UBR4: variants seen among roughly 807,000 people sequenced by gnomAD.
UBR4 encodes ubiquitin protein ligase E3 component n-recognin 4.
A neutral mutation model predicts 575.6 loss-of-function variants in UBR4; 124 were observed. That is an observed-to-expected ratio of 0.22 (90% CI 0.19 to 0.25). The LOEUF (loss-of-function observed/expected upper bound fraction) is 0.25. Among genes scored for constraint, UBR4 ranks in the 10% least tolerant of loss-of-function variants. The probability of loss-of-function intolerance (pLI) is 1.00; values close to 1 mark genes in which losing one functional copy is unlikely to be tolerated. For missense variants in UBR4, 4,818 were observed against 6,478.8 expected (o/e 0.74, Z 8.80); for synonymous variants, 2,455 against 2,473.7 (o/e 0.99, Z 0.22).
intron 22 of UBR4, among the ~76,000 whole-genome samples, chr1:19,173,892 TA>T (rs2089922810): frequency 6.6e-6 from 1 of 152,254 alleles, no homozygotes; most frequent in Non-Finnish European, 1.5e-5. Flanking sequence ...GGCTCCCCAA[TA>T]ATTTACCAAT....
At position 19,152,277 on chromosome 1, in the gene UBR4, AC is replaced by A; in HGVS notation, c.6996+35del. 6.2e-7 allele frequency: 1 copy of A among 1,611,440 alleles called. No homozygotes were observed. The highest frequency in any genetic ancestry group is 8.5e-7 in the Non-Finnish European group (1 of 1,177,964). ...CAAACCATATTGTTTGAGTCCTTCT[AC>A]CCAGGGATTGATCCCAGCCCAGTGC... On this transcript the variant is annotated intron_variant, in intron 47 of 105. Transcript: ENST00000375254. The surrounding 1 kb of genome is among the most constrained non-coding windows in gnomAD (Gnocchi z 4.4).
chr1:19,084,722 T>A (rs751602143), intron 101 of UBR4, 24 bp from the exon 102 acceptor site: 12 of 1,576,342 alleles, frequency 7.6e-6, no homozygotes, highest in Non-Finnish European at 1.0e-5. Flanking sequence ...GAACAAACAA[T>A]GAAATGGAAG....
In UBR4 at chr1:19,126,538, C is replaced by G; in HGVS notation, c.9346G>C (p.Glu3116Gln). ...LEYWKSQQND[E>Q]EPVATSQLLK... ...AACTGGCTGGTAGCCACAGGCTCCTCGTCATTCTGTTGGCTCTTCCAATAT... is the reference window on the plus strand; with the variant it reads ...AACTGGCTGGTAGCCACAGGCTCCTGGTCATTCTGTTGGCTCTTCCAATAT... The change falls in exon 64 of 106, where the codon GAG becomes CAG. Residue 3116 changes from glutamate (E) to glutamine (Q), a missense_variant. Physicochemically the swap from Glu to Gln is conservative, Grantham distance 29. Around this residue, in one of 29 missense-constraint regions of UBR4, gnomAD observed 550 missense variants for 791.5 expected, o/e 0.69. Coordinates refer to ENST00000375254, the MANE Select transcript of UBR4 (RefSeq NM_020765.3). 1.2e-6 allele frequency: 2 copies of G among 1,614,172 alleles called. No homozygotes were observed. The highest frequency in any genetic ancestry group is 8.5e-7 in the Non-Finnish European group (1 of 1,180,022).
intron 67 of UBR4, 92 bp downstream of exon 67, chr1:19,121,842 T>C (rs1362547515): frequency 2.2e-6 from 3 of 1,383,124 alleles, no homozygotes; most frequent in Non-Finnish European, 3.0e-6. Context: ...CAGCTATATC[T>C]CCAGCATCCA....
intron 36 of UBR4, 36 bp from the exon 37 acceptor site, chr1:19,161,772 G>A: frequency 6.2e-7 from 1 of 1,613,826 alleles, no homozygotes; most frequent in African/African-American, 1.3e-5. Flanking sequence ...AAGCTCAGAA[G>A]TCCCAACAAT....
chr1:19,208,466 CA>C (rs71030137), intron 1 of UBR4, among the ~76,000 whole-genome samples: 61 of 76,888 alleles, frequency 7.9e-4, no homozygotes, highest in Middle Eastern at 6.9e-3. Flanking sequence ...GAATCCATCT[CA>C]AAAAAAAAAA....
Position 19,147,988 on chromosome 1 carries a change from G to A in UBR4, c.7629+5C>T. 1 of 1,611,600 alleles carries A rather than the reference G, an allele frequency of 6.2e-7. No homozygotes were observed. Among genetic ancestry groups the A allele is most frequent in the Non-Finnish European group, 8.5e-7 (1 of 1,179,128 alleles). On this transcript the variant is annotated splice_donor_5th_base_variant and intron_variant, in intron 51 of 105. Coordinates refer to ENST00000375254, the MANE Select transcript of UBR4 (RefSeq NM_020765.3). Reference sequence around the variant, plus strand: ...GCAATTTCCTTTCCCTGAGAGAACAGTTACCTTGTGGCTGTGGTAGGCCGA... The same window carrying A: ...GCAATTTCCTTTCCCTGAGAGAACAATTACCTTGTGGCTGTGGTAGGCCGA...
chr1:19,153,301 T>A lies in UBR4; in HGVS notation c.6832A>T (p.Thr2278Ser). The change falls in exon 46 of 106, where the codon ACA becomes TCA. Residue 2278 changes from threonine (T) to serine (S), a missense_variant and splice_region_variant. Coordinates refer to ENST00000375254, the MANE Select transcript of UBR4 (RefSeq NM_020765.3). The surrounding 1 kb of genome is among the most constrained non-coding windows in gnomAD (Gnocchi z 4.1). ...PVRKRKTATI[T>S]TRTSSQVTFP... Reference sequence around the variant, plus strand: ...CAAGTCATCTGAGAAGGAGCCTTACTGATTGTAGCTGTTTTGCGCTTTCGA... The same window carrying A: ...CAAGTCATCTGAGAAGGAGCCTTACAGATTGTAGCTGTTTTGCGCTTTCGA... 1 of 1,614,164 alleles carries A rather than the reference T, an allele frequency of 6.2e-7. No individual in the cohort carries two copies.
intron 99 of UBR4, 132 bp from the exon 100 acceptor site, chr1:19,086,953 C>G: frequency 7.8e-7 from 1 of 1,282,260 alleles, no homozygotes; most frequent in Non-Finnish European, 1.1e-6. Context: ...TAGGGAAGTT[C>G]AGAAGAGCAG....
In UBR4 at chr1:19,193,542, G is replaced by A. The variant is rs2092258462; in HGVS notation, c.1034C>T (p.Thr345Met). ...ACCCACATGGAGGATGGCCATGCACGTTGCCACACTCACACCTGAAAAAGA... is the reference window on the plus strand; with the variant it reads ...ACCCACATGGAGGATGGCCATGCACATTGCCACACTCACACCTGAAAAAGA... ...SCLYAGVSVA[T>M]CMAILHVGSA... The change falls in exon 9 of 106, where the codon ACG (threonine) becomes ATG (methionine). Residue 345 changes from threonine (T) to methionine (M), a missense_variant. By Grantham distance (81) the Thr-to-Met change is moderately conservative. Around this residue, in one of 29 missense-constraint regions of UBR4, gnomAD observed 131 missense variants for 214.5 expected, o/e 0.61. Coordinates refer to ENST00000375254, the MANE Select transcript of UBR4 (RefSeq NM_020765.3). 6.8e-6 allele frequency: 11 copies of A among 1,613,206 alleles called. No individual in the cohort carries two copies. Among genetic ancestry groups the A allele is most frequent in the Non-Finnish European group, 9.3e-6 (11 of 1,179,496 alleles).
chr1:19,169,612 G>A (rs2089175966), intron 26 of UBR4, 80 bp from the exon 27 acceptor site: 1 of 1,217,484 alleles, frequency 8.2e-7, no homozygotes, highest in East Asian at 2.5e-5. Flanking sequence ...AAGCCCAAAT[G>A]CAGAAAGAAA....
chr1:19,160,692 C>T (rs890661430), intron 38 of UBR4, among the ~76,000 whole-genome samples: 6 of 152,144 alleles, frequency 3.9e-5, no homozygotes, highest in African/African-American at 1.4e-4. Flanking sequence ...TACAGTATGA[C>T]ACAACTAAAA....
chr1:19,114,050 T>G lies in UBR4; in HGVS notation c.11223A>C (p.Thr3741=), dbSNP rs1026446832. ...DRKKAVSNIN[T]LLDKADRVYH... ...ACACTCGATCAGCTTTGTCCAAAAG[T>G]GTATTGATGTTGGATACAGCCTAGA... Residue 3741 remains threonine (T), a synonymous_variant, in exon 76 of 106, where the codon ACA becomes ACC. Transcript: ENST00000375254. The G allele has an allele frequency of 1.2e-6, 2 of 1,613,880 alleles. No individual in the cohort carries two copies. Among genetic ancestry groups the G allele is most frequent in the African/African-American group, 2.7e-5 (2 of 75,050 alleles).
chr1:19,110,048 G>C lies in UBR4; in HGVS notation c.12105+48C>G, dbSNP rs1289360721. The C allele has an allele frequency of 6.2e-7, 1 of 1,610,694 alleles. No homozygotes were observed. Among genetic ancestry groups the C allele is most frequent in the Non-Finnish European group, 8.5e-7 (1 of 1,178,774 alleles). On this transcript the variant is annotated intron_variant, in intron 81 of 105. Transcript: ENST00000375254. The surrounding 1 kb of genome is among the most constrained non-coding windows in gnomAD (Gnocchi z 4.5). ...AGGGCACACTGCCAGGGAATGAGGAGGGTGGCCGCCCTGCCCTTCCTTGTT... is the reference window on the plus strand; with the variant it reads ...AGGGCACACTGCCAGGGAATGAGGACGGTGGCCGCCCTGCCCTTCCTTGTT...
chr1:19,177,093 A>G (rs187944178), intron 19 of UBR4, among the ~76,000 whole-genome samples: 36 of 152,338 alleles, frequency 2.4e-4, no homozygotes, highest in African/African-American at 8.4e-4. Flanking sequence ...CCTTACAACA[A>G]AGGAATTTAC....
At position 19,185,223 on chromosome 1, in the gene UBR4, T is replaced by G; in HGVS notation, c.1814A>C (p.Lys605Thr). The G allele has an allele frequency of 3.1e-6, 5 of 1,613,002 alleles. No homozygotes were observed. Among genetic ancestry groups the G allele is most frequent in the Non-Finnish European group, 4.2e-6 (5 of 1,179,526 alleles). ...TGGGGGAGGAGGCGGAGGTGCTGCT[T>G]TCTCTTTACTGGGAGAAATAGTCTC... The part of the protein sequence containing the change: ...FEETISPSKE[K>T]AAPPPPPPPP... Residue 605 changes from lysine to threonine, a missense_variant, in exon 15 of 106, where the codon AAA becomes ACA. By Grantham distance (78) the Lys-to-Thr change is moderately conservative. Transcript: ENST00000375254.
intron 83 of UBR4, 22 bp downstream of exon 83, chr1:19,106,547 G>A: frequency 1.3e-6 from 2 of 1,525,294 alleles, no homozygotes; most frequent in Non-Finnish European, 1.8e-6. Flanking sequence ...AGGGGGTGAA[G>A]AGTCCAGAAG....
rs1362677279 is a variant in UBR4, at chr1:19,153,214, C to A, written c.6832+87G>T. The A allele has an allele frequency of 3.6e-6, 5 of 1,401,542 alleles. No individual in the cohort carries two copies. Among genetic ancestry groups the A allele is most frequent in the Non-Finnish European group, 5.0e-6 (5 of 1,002,924 alleles). The allele number at this position is 1,401,542 out of a possible 1,614,324, so 86.8% of individuals were successfully genotyped here. The stretch of plus-strand genomic sequence containing the variant: ...CAAGTAGGACAGTCACATTTCTTCA[C>A]AGATATTTTCAACAGTCTATTCTGA... On this transcript the variant is annotated intron_variant, in intron 46 of 105. Coordinates refer to ENST00000375254, the MANE Select transcript of UBR4 (RefSeq NM_020765.3). This position sits in a 1 kb window ranked among gnomAD's most constrained non-coding sequence, Gnocchi z 4.1.
chr1:19,141,734 C>A lies in UBR4; in HGVS notation c.8223G>T (p.Met2741Ile), dbSNP rs2083965117. The stretch of plus-strand genomic sequence containing the variant: ...CACCATTCGGGATCCCTGATGACTG[C>A]ATTTTCTCATCTGCATCATCATCGT... ...DDDDDDADEKMQSSGIPNGGH... is the reference protein window; with the variant it reads ...DDDDDDADEKIQSSGIPNGGH... The change falls in exon 56 of 106, where the codon ATG becomes ATT. Residue 2741 changes from methionine to isoleucine, a missense_variant. By Grantham distance (10) the Met-to-Ile change is conservative. Coordinates refer to ENST00000375254, the MANE Select transcript of UBR4 (RefSeq NM_020765.3). The A allele has an allele frequency of 6.2e-7, 1 of 1,614,116 alleles. No individual in the cohort carries two copies. The highest frequency in any genetic ancestry group is 8.5e-7 in the Non-Finnish European group (1 of 1,180,058).
Sources: allele counts gnomAD v4.1 joint callset (sites outside exome capture counted in the v4.1 genomes callset), GRCh38; gene constraint gnomAD v4.1.1; regional missense constraint gnomAD v4.1.1; non-coding constraint Gnocchi (gnomAD v3.1); transcripts MANE v1.5; gene names NCBI Gene and HGNC (gene_info 2026-07-23, HGNC 2026-07-21).